Variants in VAV3 observed in about 807,000 individuals in gnomAD.
The protein encoded by VAV3 is vav guanine nucleotide exchange factor 3.
Under a neutral mutation model 131.2 loss-of-function variants are expected in VAV3, and 94 were observed. The observed-to-expected ratio is 0.72, with a 90% CI of 0.61 to 0.85. The LOEUF (loss-of-function observed/expected upper bound fraction) is 0.85, where lower values mean the gene tolerates loss of function less well. Ranked by LOEUF, VAV3 falls within the 40% of genes least tolerant of loss-of-function variation. The pLI, the probability that VAV3 is intolerant of heterozygous loss-of-function variation, is 0.00. For missense variants in VAV3, 939 were observed against 1,002.7 expected (o/e 0.94, Z 0.86); for synonymous variants, 349 against 342.0 (o/e 1.02, Z -0.22).
rs17019985 is a variant in VAV3 at position 107,771,773 on chromosome 1, G to A, written c.555+962C>T. Among the ~76,000 whole-genome samples the A allele has an allele frequency of 7.9e-3, 1,203 of 152,332 alleles. 10 individuals are homozygous for A. Among genetic ancestry groups the A allele is most frequent in the East Asian group, 0.016 (84 of 5,186 alleles). ...AGCTGAGTGAGGACTGCCCTTGCGG[G>A]AGACAGTGAAGAATGCACTAGCACT... On this transcript the variant is annotated intron_variant, in intron 5 of 26. Coordinates refer to ENST00000370056, the MANE Select transcript of VAV3 (RefSeq NM_006113.5).
chr1:107,630,286 A>G (rs991613185), intron 20 of VAV3, among the ~76,000 whole-genome samples: 1 of 152,136 alleles, frequency 6.6e-6, no homozygotes, highest in Non-Finnish European at 1.5e-5. Flanking sequence ...GTTACATAGT[A>G]GGCACTTTAT....
chr1:107,889,812 G>A (rs1671228570), intron 1 of VAV3, among the ~76,000 whole-genome samples: 1 of 152,162 alleles, frequency 6.6e-6, no homozygotes, highest in South Asian at 2.1e-4. Context: ...ACTAAGTTAG[G>A]TGCAGATTTG....
chr1:107,704,904 C>T (rs1660348091), intron 16 of VAV3, 56 bp downstream of exon 16: 14 of 1,524,606 alleles, frequency 9.2e-6, no homozygotes, highest in Middle Eastern at 1.7e-4. Context: ...AAGTCTGAAA[C>T]ACTTAGCAAT....
At chr1:107,619,346 G>C (rs1034819946) in intron 20 of VAV3, among the ~76,000 whole-genome samples, 1 of 152,140 alleles carries the variant, frequency 6.6e-6, no homozygotes, top group African/African-American at 2.4e-5. Flanking sequence ...GACCTGGGAG[G>C]GATGGTAGCA....
intron 15 of VAV3, among the ~76,000 whole-genome samples, chr1:107,730,037 T>C (rs962460463): frequency 6.6e-6 from 1 of 152,176 alleles, no homozygotes; most frequent in African/African-American, 2.4e-5. Context: ...TCTGGCTACT[T>C]TGAGGGCAAA....
Position 107,933,814 on chromosome 1 carries a change from CA to C in VAV3, c.204+30851del, listed in dbSNP as rs11383512. 3.2e-3 allele frequency among the ~76,000 whole-genome samples: 378 copies of C among 119,224 alleles called. 3 individuals carry two copies. The highest frequency in any genetic ancestry group is 0.012 in the African/African-American group (350 of 30,264). The allele number at this position is 119,224 out of a possible 152,430, so 78.2% of individuals were successfully genotyped here. On this transcript the variant is annotated intron_variant, in intron 1 of 26. Transcript: ENST00000370056. The stretch of plus-strand genomic sequence containing the variant: ...CAGGGCAACAAAATGAGACCCTTCT[CA>C]AAAAAAAAAAAAAAAAAATTAAATC...
intron 2 of VAV3, among the ~76,000 whole-genome samples, chr1:107,860,414 T>G (rs1228559638): frequency 6.9e-6 from 1 of 144,486 alleles, no homozygotes. Context: ...TTCTTGGGCT[T>G]TTAATTTAGC....
intron 10 of VAV3, among the ~76,000 whole-genome samples, chr1:107,760,135 C>T (rs1313235076): frequency 6.6e-6 from 1 of 152,082 alleles, no homozygotes; most frequent in Admixed American, 6.5e-5. Context: ...GGTAGTAGAT[C>T]TTTTTAAAAT....
In VAV3 at chr1:107,874,728, T is replaced by TC. The variant is rs1336991148; in HGVS notation, c.321+172_321+173insG. Reference sequence around the variant, plus strand: ...TTGTTGTTGTATGTGTGGGGTTTCTTTTTTGTTGTTGTTTTTTGGTTTTTG... The same window carrying TC: ...TTGTTGTTGTATGTGTGGGGTTTCTTCTTTTGTTGTTGTTTTTTGGTTTTTG... On this transcript the variant is annotated intron_variant, in intron 2 of 26. Transcript: ENST00000370056. Among the ~76,000 whole-genome samples, 8 of 39,684 alleles carry TC rather than the reference T, an allele frequency of 2.0e-4. No individual in the cohort carries two copies. In the East Asian group the frequency reaches 5.2e-3, roughly 26 times the overall value. 26.0% of individuals were successfully genotyped at this position (39,684 alleles called of 152,430 possible). A position where few individuals can be genotyped will look rare whatever the true frequency, so the allele number is the denominator to read the frequency against.
chr1:107,735,911 G>T (rs957420447), intron 15 of VAV3, among the ~76,000 whole-genome samples: 5 of 152,024 alleles, frequency 3.3e-5, no homozygotes, highest in Admixed American at 6.6e-5. Flanking sequence ...CAAAAAAAGA[G>T]AATTTTAGAC....
intron 1 of VAV3, among the ~76,000 whole-genome samples, chr1:107,932,249 T>C (rs768108768): frequency 1.3e-5 from 2 of 152,198 alleles, no homozygotes; most frequent in African/African-American, 2.4e-5. Context: ...AGAGCGGGCA[T>C]TAAGACATAC....
chr1:107,927,235 G>A (rs1673200499), intron 1 of VAV3, among the ~76,000 whole-genome samples: 1 of 152,074 alleles, frequency 6.6e-6, no homozygotes, highest in Non-Finnish European at 1.5e-5. Flanking sequence ...ACTCAGTTCT[G>A]GCAGGACCAA....
At chr1:107,705,639 T>C (rs1557777885) in intron 15 of VAV3, among the ~76,000 whole-genome samples, 1 of 152,176 alleles carries the variant, frequency 6.6e-6, no homozygotes, top group Non-Finnish European at 1.5e-5. Context: ...TATTTTATAT[T>C]TTATTTATAT....
intron 15 of VAV3, among the ~76,000 whole-genome samples, chr1:107,747,885 CAAT>C (rs1252417998): frequency 6.6e-6 from 1 of 152,046 alleles, no homozygotes; most frequent in African/African-American, 2.4e-5. Flanking sequence ...TTCAGAACCA[CAAT>C]AAAACATCCT....
chr1:107,693,041 G>A (rs539587681), intron 17 of VAV3, among the ~76,000 whole-genome samples: 22 of 152,242 alleles, frequency 1.4e-4, no homozygotes, highest in South Asian at 4.2e-4. Flanking sequence ...TTAGACCTTC[G>A]CGGTGGTGTA....
At chr1:107,642,780 A>G (rs780203091) in intron 19 of VAV3, 25 bp from the exon 20 acceptor site, 2 of 1,612,760 alleles carry the variant, frequency 1.2e-6, no homozygotes, top group Non-Finnish European at 1.7e-6. Context: ...AACAAGTTTT[A>G]GAATTGAGAA....
chr1:107,778,439 T>C (rs1230930314), intron 3 of VAV3, among the ~76,000 whole-genome samples: 3 of 152,174 alleles, frequency 2.0e-5, no homozygotes, highest in Admixed American at 1.3e-4. Flanking sequence ...AAAATATATA[T>C]TGACATGAAA....
At chr1:107,904,464 C>G (rs1672010970) in intron 1 of VAV3, among the ~76,000 whole-genome samples, 1 of 152,200 alleles carries the variant, frequency 6.6e-6, no homozygotes. Flanking sequence ...AATCTGATGA[C>G]TGAATTTTTT....
At chr1:107,786,906 A>G (rs1666040964) in intron 2 of VAV3, among the ~76,000 whole-genome samples, 1 of 152,188 alleles carries the variant, frequency 6.6e-6, no homozygotes, top group African/African-American at 2.4e-5. Context: ...AGTGGTTATT[A>G]TTTTGTTATA....
Sources: allele counts gnomAD v4.1 joint callset (sites outside exome capture counted in the v4.1 genomes callset), GRCh38; gene constraint gnomAD v4.1.1; transcripts MANE v1.5; gene names NCBI Gene and HGNC (gene_info 2026-07-23, HGNC 2026-07-21).